The following SMARCA4 variants were observed in gnomAD, a reference collection of about 807,000 sequenced individuals.
SMARCA4 encodes the protein SWI/SNF related BAF chromatin remodeling complex subunit ATPase 4.
A neutral mutation model predicts 193.9 loss-of-function variants in SMARCA4; 31 were observed. The ratio of observed to expected loss-of-function variants is 0.16; its 90% CI spans 0.12 to 0.22. SMARCA4 has a LOEUF of 0.22. Among genes scored for constraint, SMARCA4 ranks in the 10% least tolerant of loss-of-function variants. The probability of loss-of-function intolerance (pLI) is 1.00; values close to 1 mark genes in which losing one functional copy is unlikely to be tolerated. For synonymous variants in SMARCA4, 942 were observed against 933.1 expected, an observed-to-expected ratio of 1.01 and a Z score of -0.17; for missense variants, 1,148 against 2,296.0, an observed-to-expected ratio of 0.50 and a Z score of 10.22.
Position 11,007,902 on chromosome 19 carries a change from G to A in SMARCA4, c.2002G>A (p.Glu668Lys), listed in dbSNP as rs1060502105. The change falls in exon 14 of 35, where the codon GAG becomes AAG. Residue 668 changes from glutamate (E) to lysine (K), a missense_variant and splice_region_variant. This residue lies in a region of SMARCA4 where 115 missense variants were observed against 175.1 expected (regional missense o/e 0.66). Coordinates refer to ENST00000344626, the MANE Select transcript of SMARCA4 (RefSeq NM_003072.5). ...EESGSEEEEE[E>K]EEEEQPQAAQ... is the part of the protein sequence containing the mutation. ...GTGACATGGGCTTGTCTCTTGGTAG[G>A]AGGAGGAGGAAGAGCAGCCGCAGGC... The A allele has an allele frequency of 6.8e-6, 11 of 1,611,054 alleles. No homozygotes were observed. The highest frequency in any genetic ancestry group is 1.3e-5 in the African/African-American group (1 of 74,960).
chr19:11,033,104 C>T lies in SMARCA4; in HGVS notation c.3547-186C>T. ...AGGAACGTGATGAGAGTCCCCTTCC[C>T]CCGAGGGACACATGGCGGCCCAGGC... On this transcript the variant is annotated intron_variant, in intron 25 of 34. Coordinates refer to ENST00000344626, the MANE Select transcript of SMARCA4 (RefSeq NM_003072.5). The surrounding 1 kb of genome is among the most constrained non-coding windows in gnomAD (Gnocchi z 9.8). 1 of 668,908 alleles carries T rather than the reference C, an allele frequency of 1.5e-6. No individual in the cohort carries two copies. The highest frequency in any genetic ancestry group is 2.7e-6 in the Non-Finnish European group (1 of 365,258). The allele number at this position is 668,908 out of a possible 1,614,324, so 41.4% of individuals were successfully genotyped here.
intron 30 of SMARCA4, chr19:11,047,734 T>C (rs944460463): frequency 7.2e-5 from 11 of 152,142 alleles, no homozygotes; most frequent in Admixed American, 5.9e-4. Context: ...TTACTGGGAC[T>C]TGGTCACAAA....
chr19:11,024,230 G>A, intron 20 of SMARCA4, 101 bp from the exon 21 acceptor site: 1 of 801,150 alleles, frequency 1.2e-6, no homozygotes, highest in East Asian at 2.5e-5. Flanking sequence ...TCTGGTCAGA[G>A]CTCATATGAC....
rs1060502073 is a variant in SMARCA4, at chr19:10,986,255, C to T, written c.422C>T (p.Ser141Leu). Residue 141 changes from serine to leucine, a missense_variant, in exon 4 of 35, where the codon TCG (serine) becomes TTG (leucine). This residue lies in a region of SMARCA4 where 201 missense variants were observed against 248.3 expected (regional missense o/e 0.81). Transcript: ENST00000344626. The surrounding 1 kb of genome is among the most constrained non-coding windows in gnomAD (Gnocchi z 6.7). Reference protein sequence around the residue: ...SSPVPASGPSSGPQMSSGPGG... With the variant: ...SSPVPASGPSLGPQMSSGPGG... ...CCAGTTCCAGCCAGTGGCCCGTCTTCGGGGCCCCAGATGTCTTCCGGGCCA... is the reference window on the plus strand; with the variant it reads ...CCAGTTCCAGCCAGTGGCCCGTCTTTGGGGCCCCAGATGTCTTCCGGGCCA... 7.4e-6 allele frequency: 12 copies of T among 1,613,762 alleles called. No individual in the cohort carries two copies. The highest frequency in any genetic ancestry group is 1.7e-5 in the Admixed American group (1 of 60,000).
At chr19:10,965,050 G>T (rs775602695) in intron 1 of SMARCA4, among the ~76,000 whole-genome samples, 1 of 152,180 alleles carries the variant, frequency 6.6e-6, no homozygotes, top group Non-Finnish European at 1.5e-5. Context: ...CATCAAGGCT[G>T]CCATGGCACA....
At chr19:10,965,969 G>T (rs935290306) in intron 1 of SMARCA4, among the ~76,000 whole-genome samples, 3 of 127,104 alleles carry the variant, frequency 2.4e-5, no homozygotes, top group African/African-American at 8.7e-5. Context: ...TTAGTGGCAT[G>T]GTTTTTTTTT....
At chr19:11,026,460 A>G (rs2090266708) in intron 23 of SMARCA4, 114 bp downstream of exon 23, 5 of 769,564 alleles carry the variant, frequency 6.5e-6, no homozygotes, top group Non-Finnish European at 1.2e-5. Flanking sequence ...GCAGAAAATT[A>G]GAAAATACAG....
Position 10,974,666 on chromosome 19 carries a change from C to CGTATAT in SMARCA4, c.-31-9455_-31-9454insGTATAT, listed in dbSNP as rs1412254818. ...TAATTTCTATGCATGGATTAACATG[C>CGTATAT]ATATATATATATATATATATATATT... On this transcript the variant is annotated intron_variant, in intron 1 of 34. Coordinates refer to ENST00000344626, the MANE Select transcript of SMARCA4 (RefSeq NM_003072.5). Among the ~76,000 whole-genome samples the CGTATAT allele has an allele frequency of 2.6e-4, 8 of 30,474 alleles. No homozygotes were observed. In the South Asian group the frequency reaches 5.8e-3, roughly 22 times the overall value. 20.0% of individuals were successfully genotyped at this position (30,474 alleles called of 152,430 possible).
chr19:11,028,253 G>A (rs1488593679), intron 24 of SMARCA4, among the ~76,000 whole-genome samples: 1 of 152,200 alleles, frequency 6.6e-6, no homozygotes, highest in Non-Finnish European at 1.5e-5. Flanking sequence ...ATACCATGTG[G>A]ACACAGGAAA....
intron 30 of SMARCA4, among the ~76,000 whole-genome samples, chr19:11,051,494 T>TG (rs2076256986): frequency 6.7e-6 from 1 of 148,356 alleles, no homozygotes; most frequent in Non-Finnish European, 1.5e-5. Flanking sequence ...ATATTTCCTT[T>TG]TTTTTTTTTT....
intron 15 of SMARCA4, chr19:11,011,873 T>A (rs1847012769): frequency 6.6e-6 from 1 of 152,214 alleles, no homozygotes; most frequent in African/African-American, 2.4e-5. Flanking sequence ...CACCACCAGG[T>A]GGCCTAAGGA....
chr19:11,039,611 C>A, intron 29 of SMARCA4: 1 of 944,228 alleles, frequency 1.1e-6, no homozygotes, highest in Non-Finnish European at 1.6e-6. Context: ...GGGGACGTGC[C>A]TAATGCCCCT....
In SMARCA4 at chr19:11,034,566, A is replaced by G. The variant is rs1476593895; in HGVS notation, c.3952-348A>G. The stretch of plus-strand genomic sequence containing the variant: ...CAGAGCCCCCTTGCCCCTGGGTGGG[A>G]AACAGGAAATAAGCCACCCAAGCAG... On this transcript the variant is annotated intron_variant, in intron 28 of 34. Transcript: ENST00000344626. The surrounding 1 kb of genome is among the most constrained non-coding windows in gnomAD (Gnocchi z 7.0). 6.6e-6 allele frequency among the ~76,000 whole-genome samples: 1 copy of G among 152,106 alleles called. No individual in the cohort carries two copies. The highest frequency in any genetic ancestry group is 1.9e-4 in the East Asian group (1 of 5,154).
At chr19:11,044,917 G>A (rs2075813971) in intron 30 of SMARCA4, among the ~76,000 whole-genome samples, 1 of 152,182 alleles carries the variant, frequency 6.6e-6, no homozygotes, top group Non-Finnish European at 1.5e-5. Context: ...CAGGGGCATG[G>A]ATCAGTGGAG....
At chr19:10,971,233 C>G (rs1226924998) in intron 1 of SMARCA4, among the ~76,000 whole-genome samples, 1 of 152,098 alleles carries the variant, frequency 6.6e-6, no homozygotes, top group African/African-American at 2.4e-5. Flanking sequence ...GTTTTCCCAC[C>G]TTCCCTGCTC....
At chr19:10,995,410 G>T in intron 9 of SMARCA4, 2 of 463,698 alleles carry the variant, frequency 4.3e-6, no homozygotes, top group South Asian at 3.1e-5. Context: ...TGTGTACGGG[G>T]ACATGGCCCC....
chr19:11,002,635 A>T (rs1362611947), intron 11 of SMARCA4, among the ~76,000 whole-genome samples: 1 of 152,078 alleles, frequency 6.6e-6, no homozygotes, highest in Non-Finnish European at 1.5e-5. Context: ...GAGTGTCTGG[A>T]CTATTTGAAA....
At chr19:11,038,638 T>C (rs1230661455) in intron 29 of SMARCA4, among the ~76,000 whole-genome samples, 5 of 152,172 alleles carry the variant, frequency 3.3e-5, no homozygotes, top group African/African-American at 4.8e-5. Context: ...CTGATCACCA[T>C]CTTCCTTCCA....
rs117611401 is a variant in SMARCA4, at chr19:11,012,946, C to T, written c.2275-3C>T. On this transcript the variant is annotated splice_polypyrimidine_tract_variant and splice_region_variant and intron_variant, in intron 15 of 34. Coordinates refer to ENST00000344626, the MANE Select transcript of SMARCA4 (RefSeq NM_003072.5). ...CCTGGCGTGGCCGCATCTGTCCTTG[C>T]AGATCAAAGGTTTGGAGTGGCTGGT... The T allele has an allele frequency of 8.7e-6, 14 of 1,614,092 alleles. No homozygotes were observed. The highest frequency in any genetic ancestry group is 1.3e-5 in the African/African-American group (1 of 75,014).
Sources: gnomAD v4.1 joint callset for allele counts (sites outside exome capture counted in the v4.1 genomes callset) on GRCh38, gnomAD v4.1.1 for gene constraint, gnomAD v4.1.1 regional missense constraint, Gnocchi (gnomAD v3.1) non-coding constraint, MANE v1.5 for transcripts, NCBI Gene and HGNC (gene_info 2026-07-23, HGNC 2026-07-21) for gene names.